Variants in FRRS1 observed in about 807,000 individuals in gnomAD.
FRRS1 encodes the protein ferric reductase 1.
Under a neutral mutation model 70.7 loss-of-function variants are expected in FRRS1, and 51 were observed. That is an observed-to-expected ratio of 0.72 (90% confidence interval 0.58 to 0.91). The LOEUF (loss-of-function observed/expected upper bound fraction) is 0.91, where lower values mean the gene tolerates loss of function less well. Ranked by LOEUF, FRRS1 falls within the 40% of genes least tolerant of loss-of-function variation. The pLI is 0.00. For missense variants in FRRS1, 672 were observed against 726.0 expected (o/e 0.93, Z 0.86); for synonymous variants, 225 against 238.7 (o/e 0.94, Z 0.53).
chr1:99,717,647 A>G (rs1351644413), intron 10 of FRRS1, 122 bp from the exon 11 acceptor site: 2 of 671,370 alleles, frequency 3.0e-6, no homozygotes, highest in African/African-American at 3.6e-5. Context: ...TGACATAAGT[A>G]CAACCTAAAA....
chr1:99,747,497 T>G (rs1571145108), intron 3 of FRRS1, 67 bp from the exon 4 acceptor site: 1 of 1,445,404 alleles, frequency 6.9e-7, no homozygotes. Flanking sequence ...TTAGAGGTTG[T>G]ACATTACAAT....
chr1:99,747,558 C>T, intron 3 of FRRS1, 128 bp from the exon 4 acceptor site: 1 of 858,748 alleles, frequency 1.2e-6, no homozygotes, highest in South Asian at 1.9e-5. Flanking sequence ...AAACAGTCAT[C>T]TTATAGGCAA....
intron 10 of FRRS1, among the ~76,000 whole-genome samples, chr1:99,719,101 T>C (rs1475963460): frequency 6.6e-6 from 1 of 150,670 alleles, no homozygotes; most frequent in African/African-American, 2.4e-5. Flanking sequence ...TGCCTGCAAG[T>C]GTTAGTGTTT....
Position 99,704,500 on chromosome 1 carries a change from T to A in FRRS1, c.*4528A>T, listed in dbSNP as rs1419458236. ...AAGTGCTGGGTAGAGGAGGGCGTGG[T>A]CCCTGGCGAGGGCTCCACCCCCAAA... On this transcript the variant is annotated 3_prime_UTR_variant, in exon 17 of 17. Transcript: ENST00000646001. Among the ~76,000 whole-genome samples the A allele has an allele frequency of 6.6e-6, 1 of 152,072 alleles. No homozygotes were observed. The highest frequency in any genetic ancestry group is 1.5e-5 in the Non-Finnish European group (1 of 68,018).
At chr1:99,748,319 T>C in intron 3 of FRRS1, 1 of 301,202 alleles carries the variant, frequency 3.3e-6, no homozygotes, top group South Asian at 8.5e-5. Flanking sequence ...ATTTTTCTCT[T>C]CTCTTGAAGT....
In FRRS1 at chr1:99,762,479, C is replaced by CT. The variant is rs34305090; in HGVS notation, c.-106+4127dup. 4.6e-3 allele frequency among the ~76,000 whole-genome samples: 637 copies of CT among 139,972 alleles called. 5 individuals are homozygous for CT. Among genetic ancestry groups the CT allele is most frequent in the African/African-American group, 8.4e-3 (320 of 38,286 alleles). The allele number at this position is 139,972 out of a possible 152,430, so 91.8% of individuals were successfully genotyped here. On this transcript the variant is annotated intron_variant, in intron 1 of 16. Transcript: ENST00000646001. ...CTTTTCTTTCTTTCTTTTTTTTTCC[C>CT]TTTTTTTTTTTTGCCCTGTTTCTCT...
intron 4 of FRRS1, among the ~76,000 whole-genome samples, chr1:99,745,735 C>T (rs768102837): frequency 6.6e-6 from 1 of 152,062 alleles, no homozygotes; most frequent in Non-Finnish European, 1.5e-5. Context: ...TATTTGTCCC[C>T]ACCCAACTCT....
chr1:99,736,437 T>C (rs1655660823), intron 7 of FRRS1, among the ~76,000 whole-genome samples: 1 of 152,138 alleles, frequency 6.6e-6, no homozygotes, highest in Non-Finnish European at 1.5e-5. Context: ...AAGTGCATTC[T>C]AGAGGTGTCT....
At chr1:99,742,060 G>C (rs1166442817) in intron 5 of FRRS1, 119 bp downstream of exon 5, 1 of 643,030 alleles carries the variant, frequency 1.6e-6, no homozygotes. Context: ...TCACCATGTT[G>C]CCCAGGCCAG....
At chr1:99,752,773 C>A (rs2100990527) in intron 1 of FRRS1, among the ~76,000 whole-genome samples, 1 of 151,648 alleles carries the variant, frequency 6.6e-6, no homozygotes, top group Middle Eastern at 3.4e-3. Context: ...TAACAAATAA[C>A]AAATAATAAA....
intron 5 of FRRS1, among the ~76,000 whole-genome samples, chr1:99,741,339 G>C (rs112626917): frequency 5.9e-5 from 9 of 152,332 alleles, no homozygotes; most frequent in African/African-American, 1.9e-4. Context: ...TATAATAGAG[G>C]CTGCATCAGT....
chr1:99,730,639 G>A (rs979264724), intron 7 of FRRS1, among the ~76,000 whole-genome samples: 14 of 152,124 alleles, frequency 9.2e-5, no homozygotes, highest in Admixed American at 2.6e-4. Context: ...AGGCCAAGGC[G>A]GGCAGATCAC....
At chr1:99,752,006 GA>G (rs111390253) in intron 1 of FRRS1, among the ~76,000 whole-genome samples, 9 of 152,252 alleles carry the variant, frequency 5.9e-5, no homozygotes, top group African/African-American at 1.9e-4. Context: ...ATAGAGCAGG[GA>G]CCTCTCTCTT....
intron 1 of FRRS1, chr1:99,765,310 A>T (rs1657299784): frequency 1.3e-5 from 2 of 152,262 alleles, no homozygotes; most frequent in Non-Finnish European, 2.9e-5. Context: ...TTTTTTAAAA[A>T]TACAGAAGTG....
chr1:99,742,759 C>T (rs74102236), intron 4 of FRRS1, among the ~76,000 whole-genome samples: 5,723 of 152,256 alleles, frequency 0.038, 367 homozygotes, highest in African/African-American at 0.13. Flanking sequence ...TTGAAGTTCA[C>T]CTCCTCCAAG....
At chr1:99,766,032 A>C (rs1657337891) in intron 1 of FRRS1, among the ~76,000 whole-genome samples, 1 of 152,196 alleles carries the variant, frequency 6.6e-6, no homozygotes. Flanking sequence ...AATTTGAAAA[A>C]TCCCCTTTAC....
rs914637646 is a variant in FRRS1, at chr1:99,707,383, T to A, written c.*1645A>T. Among the ~76,000 whole-genome samples, 1 of 152,074 alleles carries A rather than the reference T, an allele frequency of 6.6e-6. No individual in the cohort carries two copies. Among genetic ancestry groups the A allele is most frequent in the Non-Finnish European group, 1.5e-5 (1 of 68,000 alleles). On this transcript the variant is annotated 3_prime_UTR_variant, in exon 17 of 17. Transcript: ENST00000646001. ...CTATAACATAATCAGAAAGAATACC[T>A]AAAGAAATAAAGTATGACTTCCTAA...
intron 1 of FRRS1, among the ~76,000 whole-genome samples, chr1:99,766,232 C>A (rs1212146721): frequency 6.6e-6 from 1 of 151,892 alleles, no homozygotes; most frequent in Non-Finnish European, 1.5e-5. Context: ...TATAGGTAAC[C>A]ATGCCACTAG....
intron 1 of FRRS1, among the ~76,000 whole-genome samples, chr1:99,755,779 G>T (rs1208354106): frequency 6.6e-6 from 1 of 152,136 alleles, no homozygotes; most frequent in East Asian, 1.9e-4. Flanking sequence ...AAGTGGAAAA[G>T]CATATTGGGA....
Sources: gnomAD v4.1 joint callset for allele counts (sites outside exome capture counted in the v4.1 genomes callset) on GRCh38, gnomAD v4.1.1 for gene constraint, MANE v1.5 for transcripts, NCBI Gene and HGNC (gene_info 2026-07-23, HGNC 2026-07-21) for gene names.